Variants in UBE4A observed in about 807,000 individuals in gnomAD.
UBE4A encodes ubiquitin conjugation factor E4 A.
In UBE4A, 48 loss-of-function variants were observed where a neutral mutation model predicts 117.9. The ratio of observed to expected loss-of-function variants is 0.41; its 90% CI spans 0.32 to 0.52. UBE4A has a LOEUF of 0.52. Ranked by LOEUF, UBE4A falls within the 20% of genes least tolerant of loss-of-function variation. The pLI, the probability that UBE4A is intolerant of heterozygous loss-of-function variation, is 0.33. For synonymous variants in UBE4A, 407 were observed against 450.0 expected (o/e 0.90, Z 1.21); for missense variants, 1,067 against 1,296.3 (o/e 0.82, Z 2.72).
At chr11:118,361,121 G>C (rs1192363511) in intron 1 of UBE4A, among the ~76,000 whole-genome samples, 1 of 150,312 alleles carries the variant, frequency 6.7e-6, no homozygotes, top group Non-Finnish European at 1.5e-5. Context: ...GTTTAAAAGT[G>C]ATTCTCCTGC....
At chr11:118,382,899 G>A in intron 13 of UBE4A, 123 bp downstream of exon 13, 1 of 887,504 alleles carries the variant, frequency 1.1e-6, no homozygotes, top group Non-Finnish European at 1.5e-6. Context: ...CCTACTATAT[G>A]CCAGGCTTGA....
Position 118,397,211 on chromosome 11 carries a change from GTATCA to G in UBE4A, c.*776_*780del, listed in dbSNP as rs1490176111. 2.0e-5 allele frequency: 3 copies of G among 151,990 alleles called. No individual in the cohort carries two copies. The highest frequency in any genetic ancestry group is 7.3e-5 in the African/African-American group (3 of 41,364). The allele number at this position is 151,990 out of a possible 1,614,324, so 9.4% of individuals were successfully genotyped here. Reference sequence around the variant, plus strand: ...AGGCCTAAGTAGATTTAGGCAACGGGTATCATATCCATGAAAAATGTCATTTTAAG... The same window carrying G: ...AGGCCTAAGTAGATTTAGGCAACGGGTATCCATGAAAAATGTCATTTTAAG... On this transcript the variant is annotated 3_prime_UTR_variant, in exon 20 of 20. Transcript: ENST00000252108.
At chr11:118,361,006 G>GTGTTTTTTTTTT (rs1236730893) in intron 1 of UBE4A, among the ~76,000 whole-genome samples, 1 of 126,672 alleles carries the variant, frequency 7.9e-6, no homozygotes, top group Non-Finnish European at 1.7e-5. Context: ...GTGTGTGTGT[G>GTGTTTTTTTTTT]TATTTTTTTT....
In UBE4A at chr11:118,384,759, T is replaced by A. The variant is rs1420067868; in HGVS notation, c.2298+24T>A. 3.1e-6 allele frequency: 5 copies of A among 1,611,974 alleles called. No homozygotes were observed. In the African/African-American group the frequency reaches 6.7e-5, roughly 22 times the overall value. ...AGGTGAGAGAGTTTTTGATGAAACC[T>A]GTTGCTTTATATAAGCCCTAATGAG... On this transcript the variant is annotated intron_variant, in intron 14 of 19. Coordinates refer to ENST00000252108, the MANE Select transcript of UBE4A (RefSeq NM_001204077.2).
At chr11:118,392,682 C>A in intron 18 of UBE4A, 56 bp from the exon 19 acceptor site, 2 of 1,547,258 alleles carry the variant, frequency 1.3e-6, no homozygotes, top group Non-Finnish European at 8.8e-7. Flanking sequence ...TCATTGAGCA[C>A]GCTGAATTCA....
At chr11:118,392,432 C>G (rs1468516785) in intron 18 of UBE4A, among the ~76,000 whole-genome samples, 1 of 152,228 alleles carries the variant, frequency 6.6e-6, no homozygotes, top group Admixed American at 6.5e-5. Context: ...TACAACAGAA[C>G]TGTTGCCAGA....
rs1324541106 is a variant in UBE4A, at chr11:118,382,095, G to A, written c.2010-494G>A. 2.6e-5 allele frequency among the ~76,000 whole-genome samples: 4 copies of A among 152,138 alleles called. 1 individual carries two copies. Among genetic ancestry groups the A allele is most frequent in the South Asian group, 4.1e-4 (2 of 4,826 alleles). On this transcript the variant is annotated intron_variant, in intron 12 of 19. Transcript: ENST00000252108. ...AGAATGACCCACAATTCCCTGAGCC[G>A]TATCAGTGATAAGTAGAGAGAAGCC...
At chr11:118,381,891 G>A (rs1039942563) in intron 12 of UBE4A, among the ~76,000 whole-genome samples, 22 of 152,202 alleles carry the variant, frequency 1.4e-4, no homozygotes, top group Admixed American at 1.4e-3. Context: ...AGTTGGATGA[G>A]CAGTAAACTT....
intron 2 of UBE4A, among the ~76,000 whole-genome samples, chr11:118,366,403 A>G (rs894722389): frequency 2.0e-5 from 3 of 152,244 alleles, no homozygotes; most frequent in Non-Finnish European, 4.4e-5. Context: ...TGGAGGTCAG[A>G]GAAAAACTCA....
At position 118,369,407 on chromosome 11, in the gene UBE4A, TAA is replaced by T. The variant is rs774447437; in HGVS notation, c.296-13_296-12del. On this transcript the variant is annotated splice_polypyrimidine_tract_variant and intron_variant, in intron 3 of 19. Coordinates refer to ENST00000252108, the MANE Select transcript of UBE4A (RefSeq NM_001204077.2). The stretch of plus-strand genomic sequence containing the variant: ...AAGCATTATCCTTAACCTATCATAT[TAA>T]AACCATTTCCCAGGTGATCCCAGCT... 6.3e-7 allele frequency: 1 copy of T among 1,596,338 alleles called. No homozygotes were observed. The highest frequency in any genetic ancestry group is 2.2e-5 in the East Asian group (1 of 44,774).
In UBE4A at chr11:118,397,847, G is replaced by T. The variant is rs782420176; in HGVS notation, c.*1407G>T. 2 of 152,102 alleles carry T rather than the reference G, an allele frequency of 1.3e-5. No homozygotes were observed. Among genetic ancestry groups the T allele is most frequent in the Non-Finnish European group, 2.9e-5 (2 of 68,006 alleles). 9.4% of individuals were successfully genotyped at this position (152,102 alleles called of 1,614,324 possible). On this transcript the variant is annotated 3_prime_UTR_variant, in exon 20 of 20. Transcript: ENST00000252108. ...TATAAGCAGTCCTTGATGGGTTTTT[G>T]ATTGCATCAGCTGGAAAGCCTCAAA...
intron 19 of UBE4A, among the ~76,000 whole-genome samples, chr11:118,395,563 A>G (rs1438999280): frequency 6.6e-6 from 1 of 152,188 alleles, no homozygotes; most frequent in Non-Finnish European, 1.5e-5. Flanking sequence ...TTGCATAACA[A>G]TCAGCTGACT....
intron 10 of UBE4A, among the ~76,000 whole-genome samples, chr11:118,377,067 G>A (rs1555125503): frequency 6.6e-6 from 1 of 151,910 alleles, no homozygotes; most frequent in African/African-American, 2.4e-5. Context: ...AAAAAAAAGA[G>A]AGGAAGAGTC....
chr11:118,392,423 A>G (rs1948827727), intron 18 of UBE4A, among the ~76,000 whole-genome samples: 1 of 152,236 alleles, frequency 6.6e-6, no homozygotes, highest in Admixed American at 6.5e-5. Flanking sequence ...TATGGCATTT[A>G]CAACAGAACT....
chr11:118,380,343 G>A (rs1430207820), intron 11 of UBE4A, among the ~76,000 whole-genome samples: 4 of 152,142 alleles, frequency 2.6e-5, no homozygotes, highest in African/African-American at 9.6e-5. Flanking sequence ...AGCACTTTGG[G>A]AGGCCGAAAC....
intron 10 of UBE4A, chr11:118,378,891 G>A (rs1385963716): frequency 1.3e-5 from 2 of 152,854 alleles, no homozygotes; most frequent in African/African-American, 4.8e-5. Flanking sequence ...CTTTTCTGAA[G>A]AATAATTTAA....
rs1479635396 is a variant in UBE4A at position 118,359,674 on chromosome 11, G to C, written c.-42G>C. On this transcript the variant is annotated splice_region_variant and 5_prime_UTR_variant, in exon 1 of 20. Transcript: ENST00000252108. ...CGTCGCTGCTGGCACTTCAGGCTCT[G>C]GTAAGACAGGCAATAGCTTCAGGGG... The C allele has an allele frequency of 6.6e-6, 1 of 152,352 alleles. No individual in the cohort carries two copies. The highest frequency in any genetic ancestry group is 1.9e-4 in the East Asian group (1 of 5,194). The allele number at this position is 152,352 out of a possible 1,614,324, so 9.4% of individuals were successfully genotyped here.
At position 118,385,081 on chromosome 11, in the gene UBE4A, G is replaced by A. The variant is rs995843171; in HGVS notation, c.2412+136G>A. 3 of 700,166 alleles carry A rather than the reference G, an allele frequency of 4.3e-6. No homozygotes were observed. In the African/African-American group the frequency reaches 5.4e-5, roughly 13 times the overall value. 43.4% of individuals were successfully genotyped at this position (700,166 alleles called of 1,614,324 possible). A position where few individuals can be genotyped will look rare whatever the true frequency, so the allele number is the denominator to read the frequency against. ...CCAGACTTGAACACCAAAAATTTGT[G>A]ATTAGTAGTGTACCACCAAGCTTGT... On this transcript the variant is annotated intron_variant, in intron 15 of 19. Transcript: ENST00000252108.
intron 4 of UBE4A, 35 bp downstream of exon 4, chr11:118,369,570 C>G (rs372957858): frequency 1.1e-4 from 164 of 1,521,896 alleles, no homozygotes; most frequent in Non-Finnish European, 1.4e-4. Context: ...GTGCCCTTAG[C>G]AAAAATTAGC....
Sources: allele counts gnomAD v4.1 joint callset (sites outside exome capture counted in the v4.1 genomes callset), GRCh38; gene constraint gnomAD v4.1.1; transcripts MANE v1.5; gene names NCBI Gene and HGNC (gene_info 2026-07-23, HGNC 2026-07-21).